ASIC2: variants seen among roughly 807,000 people sequenced by gnomAD.
The protein encoded by ASIC2 is acid-sensing ion channel 2.
ASIC2 carries 25 observed loss-of-function variants against 57.3 expected under a neutral mutation model. The ratio of observed to expected loss-of-function variants is 0.44; its 90% CI spans 0.32 to 0.61. ASIC2 has a LOEUF of 0.61. Ranked by LOEUF, ASIC2 falls within the 20% of genes least tolerant of loss-of-function variation. ASIC2 has a pLI of 0.06. For missense variants in ASIC2, 641 were observed against 738.1 expected (o/e 0.87, Z 1.52); for synonymous variants, 319 against 307.5 (o/e 1.04, Z -0.39).
At chr17:33,082,518 G>A (rs1290890149) in intron 3 of ASIC2, among the ~76,000 whole-genome samples, 1 of 152,002 alleles carries the variant, frequency 6.6e-6, no homozygotes, top group Non-Finnish European at 1.5e-5. Flanking sequence ...GGTCAAAGTG[G>A]TGAAACCACG....
At chr17:33,646,625 A>G (rs531356373) in intron 1 of ASIC2, among the ~76,000 whole-genome samples, 22 of 152,322 alleles carry the variant, frequency 1.4e-4, no homozygotes, top group African/African-American at 5.3e-4. Flanking sequence ...AATTCCAGGT[A>G]TTGGAAACAG....
chr17:33,322,660 C>T (rs999839200), intron 1 of ASIC2, among the ~76,000 whole-genome samples: 19 of 152,132 alleles, frequency 1.2e-4, no homozygotes, highest in Admixed American at 1.1e-3. Flanking sequence ...GACCCAATAC[C>T]TCCTTCCAAC....
intron 1 of ASIC2, among the ~76,000 whole-genome samples, chr17:33,410,987 G>A (rs1347408380): frequency 6.6e-6 from 1 of 152,214 alleles, no homozygotes; most frequent in Non-Finnish European, 1.5e-5. Flanking sequence ...GTGAGTAAAT[G>A]AGAGAACAGG....
intron 1 of ASIC2, among the ~76,000 whole-genome samples, chr17:33,383,897 G>A (rs144542121): frequency 7.3e-4 from 111 of 152,320 alleles, no homozygotes; most frequent in Non-Finnish European, 1.3e-3. Flanking sequence ...GGATTGGAAG[G>A]GGGTGGCGTG....
intron 1 of ASIC2, among the ~76,000 whole-genome samples, chr17:33,969,183 T>C (rs896933761): frequency 1.3e-5 from 2 of 152,188 alleles, no homozygotes; most frequent in Admixed American, 1.3e-4. Flanking sequence ...CATTTGACTT[T>C]ATATTCTAGT....
At chr17:33,054,153 T>G (rs2091988694) in intron 3 of ASIC2, among the ~76,000 whole-genome samples, 2 of 152,172 alleles carry the variant, frequency 1.3e-5, no homozygotes, top group Admixed American at 6.5e-5. Flanking sequence ...TGCTTTTGGA[T>G]CTTGGTGTTC....
chr17:34,105,666 T>C (rs1425580395), intron 1 of ASIC2, among the ~76,000 whole-genome samples: 1 of 151,978 alleles, frequency 6.6e-6, no homozygotes, highest in Non-Finnish European at 1.5e-5. Context: ...ATGACAGTTA[T>C]TAAAAAAATA....
intron 1 of ASIC2, among the ~76,000 whole-genome samples, chr17:33,533,005 A>G (rs1194627336): frequency 6.6e-6 from 1 of 152,218 alleles, no homozygotes; most frequent in African/African-American, 2.4e-5. Context: ...GCTCAGAGAT[A>G]TTATGCCCTT....
chr17:33,548,698 TCAGA>T (rs753508957), intron 1 of ASIC2, among the ~76,000 whole-genome samples: 3 of 152,180 alleles, frequency 2.0e-5, no homozygotes, highest in Non-Finnish European at 2.9e-5. Flanking sequence ...TCAGTTATGG[TCAGA>T]CACTCAACTG....
chr17:33,999,197 T>A (rs1906257445), intron 1 of ASIC2, among the ~76,000 whole-genome samples: 1 of 152,174 alleles, frequency 6.6e-6, no homozygotes, highest in Non-Finnish European at 1.5e-5. Context: ...TTTCTTTGGT[T>A]ACCATTGTCA....
chr17:33,473,671 G>A (rs1913125812), intron 1 of ASIC2, among the ~76,000 whole-genome samples: 1 of 152,184 alleles, frequency 6.6e-6, no homozygotes, highest in African/African-American at 2.4e-5. Flanking sequence ...TATGGGTTGA[G>A]TACCTCATGA....
chr17:33,818,283 A>T (rs1053268463), intron 1 of ASIC2, among the ~76,000 whole-genome samples: 1 of 152,228 alleles, frequency 6.6e-6, no homozygotes, highest in Admixed American at 6.5e-5. Flanking sequence ...TATTTTGGTG[A>T]TTAAAGAAAT....
chr17:33,170,061 C>T (rs1905452191), intron 1 of ASIC2, among the ~76,000 whole-genome samples: 1 of 152,152 alleles, frequency 6.6e-6, no homozygotes, highest in African/African-American at 2.4e-5. Flanking sequence ...TGATGTGGAA[C>T]CAACTGCCCT....
chr17:33,449,359 G>A (rs1912161153), intron 1 of ASIC2, among the ~76,000 whole-genome samples: 1 of 152,080 alleles, frequency 6.6e-6, no homozygotes, highest in Non-Finnish European at 1.5e-5. Context: ...AGCCTTGTGG[G>A]CTGTAGCTAC....
chr17:33,202,535 T>C (rs915172450), intron 1 of ASIC2, among the ~76,000 whole-genome samples: 6 of 151,562 alleles, frequency 4.0e-5, no homozygotes, highest in African/African-American at 1.5e-4. Context: ...CCCGTGGGGG[T>C]CCATCAAGGG....
Position 34,126,183 on chromosome 17 carries a change from C to T in ASIC2, c.555+29795G>A, listed in dbSNP as rs35390308. Among the ~76,000 whole-genome samples, 1,419 of 152,232 alleles carry T rather than the reference C, an allele frequency of 9.3e-3. 31 individuals carry two copies. The highest frequency in any genetic ancestry group is 0.033 in the African/African-American group (1,366 of 41,510). On this transcript the variant is annotated intron_variant, in intron 1 of 9. Coordinates refer to the ASIC2 transcript ENST00000359872. The stretch of plus-strand genomic sequence containing the variant: ...GCCATTATACAGGAAGAGGCTTGGC[C>T]CTGAGCTGTCATGAGGAGGACTGCC...
At chr17:33,015,417 G>T (rs1400917431) in intron 9 of ASIC2, among the ~76,000 whole-genome samples, 2 of 152,206 alleles carry the variant, frequency 1.3e-5, no homozygotes, top group Non-Finnish European at 1.5e-5. Context: ...GGGCAGCTCT[G>T]ACACTCAGCA....
chr17:33,925,660 G>A (rs150939070), intron 1 of ASIC2, among the ~76,000 whole-genome samples: 3 of 152,294 alleles, frequency 2.0e-5, no homozygotes, highest in Admixed American at 6.5e-5. Flanking sequence ...CTCATGGCTG[G>A]GGCAGCTCTG....
intron 1 of ASIC2, among the ~76,000 whole-genome samples, chr17:33,656,914 T>C (rs1468744785): frequency 1.3e-5 from 2 of 152,174 alleles, no homozygotes; most frequent in East Asian, 3.9e-4. Context: ...GAAAGAGAAT[T>C]GTTCAGATAT....
Sources: allele counts gnomAD v4.1 joint callset (sites outside exome capture counted in the v4.1 genomes callset), GRCh38; gene constraint gnomAD v4.1.1; transcripts MANE v1.5; gene names NCBI Gene and HGNC (gene_info 2026-07-23, HGNC 2026-07-21).